GRIK4: variants seen among roughly 807,000 people sequenced by gnomAD.
GRIK4 encodes the protein glutamate receptor ionotropic, kainate 4.
In GRIK4, 40 loss-of-function variants were observed where a neutral mutation model predicts 104.9. The ratio of observed to expected loss-of-function variants is 0.38; its 90% CI spans 0.30 to 0.50. The LOEUF is 0.50. Among genes scored for constraint, GRIK4 ranks in the 20% least tolerant of loss-of-function variants. The pLI is 0.93. For synonymous variants in GRIK4, 485 were observed against 524.9 expected (o/e 0.92, Z 1.04); for missense variants, 1,047 against 1,308.1 (o/e 0.80, Z 3.08).
intron 1 of GRIK4, among the ~76,000 whole-genome samples, chr11:120,640,058 G>A (rs1234696850): frequency 2.0e-5 from 3 of 152,140 alleles, no homozygotes; most frequent in African/African-American, 7.2e-5. Flanking sequence ...CCAGAAAGGG[G>A]TCTTGATCCG....
rs568241604 is a variant in GRIK4 at position 120,558,751 on chromosome 11, C to T, written c.-159+46864C>T. 1.5e-3 allele frequency among the ~76,000 whole-genome samples: 223 copies of T among 152,244 alleles called. 3 individuals carry two copies. The highest frequency in any genetic ancestry group is 2.6e-3 in the Non-Finnish European group (178 of 68,022). Reference sequence around the variant, plus strand: ...AGATTATATACAAGTGACAATTGCGCGTATTTAGTTTATAGAGAGGGTTGG... The same window carrying T: ...AGATTATATACAAGTGACAATTGCGTGTATTTAGTTTATAGAGAGGGTTGG... On this transcript the variant is annotated intron_variant, in intron 1 of 20. Coordinates refer to ENST00000527524, the MANE Select transcript of GRIK4 (RefSeq NM_014619.5).
chr11:120,689,946 G>A (rs1476605744), intron 3 of GRIK4, among the ~76,000 whole-genome samples: 3 of 152,204 alleles, frequency 2.0e-5, no homozygotes, highest in African/African-American at 7.2e-5. Context: ...GATCGAATGA[G>A]TAAATGAGTA....
intron 3 of GRIK4, among the ~76,000 whole-genome samples, chr11:120,709,799 A>G (rs973883072): frequency 7.2e-5 from 11 of 152,004 alleles, no homozygotes; most frequent in African/African-American, 2.2e-4. Context: ...TTTCTGAACT[A>G]AAAAATCAGA....
rs74491165 is a variant in GRIK4, at chr11:120,726,183, T to C, written c.82+65783T>C. Among the ~76,000 whole-genome samples the C allele has an allele frequency of 7.0e-3, 1,072 of 152,224 alleles. 7 individuals are homozygous for C. The highest frequency in any genetic ancestry group is 0.02 in the African/African-American group (811 of 41,532). ...CCAGAGGTCAGGAACATAGAGATTA[T>C]AGAGAGAGTGGTGGAAATCAGAGAG... On this transcript the variant is annotated intron_variant, in intron 3 of 20. Coordinates refer to ENST00000527524, the MANE Select transcript of GRIK4 (RefSeq NM_014619.5).
chr11:120,835,248 A>C (rs1298285586), intron 7 of GRIK4, among the ~76,000 whole-genome samples: 2 of 152,160 alleles, frequency 1.3e-5, no homozygotes. Context: ...CTATAAGATT[A>C]CAGGCGCGGT....
intron 13 of GRIK4, among the ~76,000 whole-genome samples, chr11:120,928,181 T>A (rs1219363656): frequency 7.2e-6 from 1 of 138,638 alleles, no homozygotes; most frequent in African/African-American, 2.7e-5. Flanking sequence ...ACCACTGCAC[T>A]CCAGCCTGGG....
chr11:120,782,060 C>T (rs970218681), intron 3 of GRIK4, among the ~76,000 whole-genome samples: 7 of 152,296 alleles, frequency 4.6e-5, no homozygotes, highest in Middle Eastern at 3.4e-3. Flanking sequence ...TTAGCAATAT[C>T]CCTTCCCTGA....
chr11:120,693,799 T>C (rs1950401932), intron 3 of GRIK4, among the ~76,000 whole-genome samples: 1 of 152,156 alleles, frequency 6.6e-6, no homozygotes, highest in African/African-American at 2.4e-5. Context: ...TTTTCCACCT[T>C]GGAGGGCTGT....
chr11:120,697,888 T>G (rs1354036130), intron 3 of GRIK4, among the ~76,000 whole-genome samples: 2 of 152,186 alleles, frequency 1.3e-5, no homozygotes, highest in East Asian at 3.9e-4. Context: ...TCACAGCTCC[T>G]GCACCTGCCG....
chr11:120,882,972 A>C (rs1399329217), intron 11 of GRIK4, among the ~76,000 whole-genome samples: 1 of 152,126 alleles, frequency 6.6e-6, no homozygotes, highest in African/African-American at 2.4e-5. Context: ...CACGTCTCCA[A>C]AACTCAGCTC....
chr11:120,569,724 G>T (rs1403518752), intron 1 of GRIK4, among the ~76,000 whole-genome samples: 2 of 152,228 alleles, frequency 1.3e-5, no homozygotes, highest in African/African-American at 4.8e-5. Flanking sequence ...TGGCAGAGGA[G>T]AAATTCTGGA....
chr11:120,837,449 G>C (rs1207588290), intron 8 of GRIK4, among the ~76,000 whole-genome samples: 1 of 152,184 alleles, frequency 6.6e-6, no homozygotes, highest in African/African-American at 2.4e-5. Context: ...TTGAGTAGAA[G>C]TGCCTAGTTT....
chr11:120,566,922 T>C (rs916961607), intron 1 of GRIK4, among the ~76,000 whole-genome samples: 7 of 151,374 alleles, frequency 4.6e-5, no homozygotes, highest in African/African-American at 1.5e-4. Context: ...TTGGCCAGGA[T>C]GGTCTTGATG....
chr11:120,790,671 C>T (rs150537183), intron 3 of GRIK4, among the ~76,000 whole-genome samples: 28 of 152,278 alleles, frequency 1.8e-4, no homozygotes, highest in African/African-American at 6.3e-4. Context: ...GCAGGTGCAT[C>T]TGCAGTGGAG....
intron 14 of GRIK4, among the ~76,000 whole-genome samples, chr11:120,943,060 C>G (rs1346566998): frequency 6.6e-6 from 1 of 151,440 alleles, no homozygotes; most frequent in Non-Finnish European, 1.5e-5. Flanking sequence ...CAATTTCTTA[C>G]AATAACTTTC....
chr11:120,880,659 G>A (rs74574446), intron 11 of GRIK4, among the ~76,000 whole-genome samples: 2 of 152,166 alleles, frequency 1.3e-5, no homozygotes, highest in Non-Finnish European at 2.9e-5. Flanking sequence ...AGAGATGACC[G>A]CCCAGCCTCT....
chr11:120,688,310 TCCCACCCTAC>T (rs1319275510), intron 3 of GRIK4, among the ~76,000 whole-genome samples: 1 of 152,180 alleles, frequency 6.6e-6, no homozygotes, highest in East Asian at 1.9e-4. Flanking sequence ...CCACAAACTA[TCCCACCCTAC>T]CCCGAAGAGG....
At chr11:120,873,425 A>G (rs534667697) in intron 9 of GRIK4, 3 of 152,338 alleles carry the variant, frequency 2.0e-5, no homozygotes, top group Non-Finnish European at 2.9e-5. Flanking sequence ...TGGACCTACC[A>G]CACTCTGTCT....
At chr11:120,772,678 C>A (rs1409312789) in intron 3 of GRIK4, among the ~76,000 whole-genome samples, 1 of 150,624 alleles carries the variant, frequency 6.6e-6, no homozygotes, top group Non-Finnish European at 1.5e-5. Context: ...GAAATGAGAA[C>A]ATTTTATATT....
Sources: gnomAD v4.1 joint callset for allele counts (sites outside exome capture counted in the v4.1 genomes callset) on GRCh38, gnomAD v4.1.1 for gene constraint, MANE v1.5 for transcripts, NCBI Gene and HGNC (gene_info 2026-07-23, HGNC 2026-07-21) for gene names.